MITF: variants seen among roughly 807,000 people sequenced by gnomAD.
The protein encoded by MITF is microphthalmia-associated transcription factor.
In MITF, 17 loss-of-function variants were observed where a neutral mutation model predicts 60.5. The observed-to-expected ratio is 0.28, with a 90% confidence interval of 0.19 to 0.42. The LOEUF (loss-of-function observed/expected upper bound fraction) is 0.42. MITF is among the 10% of genes least tolerant of loss of function. The pLI is 1.00. For synonymous variants in MITF, 260 were observed against 248.5 expected (o/e 1.05, Z -0.43); for missense variants, 622 against 683.5 (o/e 0.91, Z 1.00).
chr3:69,846,314 C>T (rs935711713), intron 1 of MITF, among the ~76,000 whole-genome samples: 1 of 152,102 alleles, frequency 6.6e-6, no homozygotes, highest in African/African-American at 2.4e-5. Flanking sequence ...ACTTTTATTT[C>T]AAATACTGCC....
chr3:69,950,544 A>G (rs966119151), intron 6 of MITF, among the ~76,000 whole-genome samples: 3 of 148,602 alleles, frequency 2.0e-5, no homozygotes, highest in Non-Finnish European at 4.4e-5. Flanking sequence ...GTATGCATAT[A>G]GATATGCATA....
chr3:69,846,633 A>G (rs542666480), intron 1 of MITF, among the ~76,000 whole-genome samples: 7 of 152,206 alleles, frequency 4.6e-5, no homozygotes, highest in African/African-American at 1.7e-4. Context: ...TGGTCTCAAC[A>G]TGGTGAAACC....
chr3:69,950,051 AT>A (rs1258727338), intron 6 of MITF, among the ~76,000 whole-genome samples: 14 of 152,118 alleles, frequency 9.2e-5, no homozygotes, highest in Admixed American at 5.2e-4. Flanking sequence ...AGAGTAATTA[AT>A]AAGTAAAAAC....
At chr3:69,759,041 C>T (rs2062172495) in intron 1 of MITF, among the ~76,000 whole-genome samples, 1 of 152,138 alleles carries the variant, frequency 6.6e-6, no homozygotes, top group Non-Finnish European at 1.5e-5. Flanking sequence ...AAAATACAGT[C>T]AATTCTCATT....
At chr3:69,857,942 G>A (rs1359145435) in intron 1 of MITF, among the ~76,000 whole-genome samples, 1 of 152,036 alleles carries the variant, frequency 6.6e-6, no homozygotes, top group Non-Finnish European at 1.5e-5. Flanking sequence ...TTAAATTATG[G>A]TTTATATTAT....
At chr3:69,885,891 A>T (rs17006580) in intron 2 of MITF, among the ~76,000 whole-genome samples, 10 of 152,114 alleles carry the variant, frequency 6.6e-5, no homozygotes, top group African/African-American at 2.2e-4. Flanking sequence ...GAGAACAATC[A>T]TGATCAGCAA....
chr3:69,789,113 G>GA (rs1157856036), intron 1 of MITF, among the ~76,000 whole-genome samples: 1 of 150,590 alleles, frequency 6.6e-6, no homozygotes, highest in African/African-American at 2.4e-5. Context: ...CTAGGTGCTA[G>GA]AAAAAAAAAG....
chr3:69,959,058 T>TAC (rs1489594759), intron 8 of MITF, among the ~76,000 whole-genome samples: 1 of 151,716 alleles, frequency 6.6e-6, no homozygotes, highest in Admixed American at 6.6e-5. Context: ...ACACGTTGGG[T>TAC]ACAGTGTACA....
At chr3:69,796,909 G>T (rs573841963) in intron 1 of MITF, among the ~76,000 whole-genome samples, 38 of 152,240 alleles carry the variant, frequency 2.5e-4, no homozygotes, top group Non-Finnish European at 4.3e-4. Flanking sequence ...ATGTGTAGGG[G>T]TTAAGTGGTT....
In MITF at chr3:69,964,832, T is replaced by G. The variant is rs1339962329; in HGVS notation, c.1180-15T>G. 13 of 1,613,620 alleles carry G rather than the reference T, an allele frequency of 8.1e-6. No individual in the cohort carries two copies. The highest frequency in any genetic ancestry group is 1.3e-5 in the African/African-American group (1 of 74,906). ...CTCTGCCTATTTCAGTGTTTTATCT[T>G]TACTCTTATTATAGGAACTTGAAAT... is the stretch of plus-strand genomic sequence containing the variant. On this transcript the variant is annotated splice_polypyrimidine_tract_variant and intron_variant, in intron 9 of 9. Coordinates refer to ENST00000352241, the MANE Select transcript of MITF (RefSeq NM_001354604.2).
rs565978461 is a variant in MITF at position 69,815,585 on chromosome 3, C to A, written c.105-63549C>A. 2.2e-4 allele frequency among the ~76,000 whole-genome samples: 34 copies of A among 152,268 alleles called. 1 individual carries two copies. The East Asian group carries it at 6.4e-3, about 29-fold the overall frequency. Reference sequence around the variant, plus strand: ...TACAGTGCACAATAAATGTAATATACAAAATATGTGTTAATTGACTATTTA... The same window carrying A: ...TACAGTGCACAATAAATGTAATATAAAAAATATGTGTTAATTGACTATTTA... On this transcript the variant is annotated intron_variant, in intron 1 of 9. Transcript: ENST00000352241.
intron 1 of MITF, among the ~76,000 whole-genome samples, chr3:69,808,847 A>T (rs2063055220): frequency 6.6e-6 from 1 of 152,136 alleles, no homozygotes; most frequent in Non-Finnish European, 1.5e-5. Flanking sequence ...GAATCACATG[A>T]TCAGATGTGC....
At chr3:69,811,940 C>T (rs1320141859) in intron 1 of MITF, among the ~76,000 whole-genome samples, 1 of 152,146 alleles carries the variant, frequency 6.6e-6, no homozygotes, top group Non-Finnish European at 1.5e-5. Context: ...CAGTTCCAGT[C>T]CTCAGGGCCC....
chr3:69,854,970 C>T (rs964752206), intron 1 of MITF, among the ~76,000 whole-genome samples: 1 of 152,174 alleles, frequency 6.6e-6, no homozygotes, highest in African/African-American at 2.4e-5. Context: ...TTCCCTGCTG[C>T]CCCATCCCAG....
At chr3:69,842,235 T>C (rs1343591843) in intron 1 of MITF, among the ~76,000 whole-genome samples, 1 of 151,982 alleles carries the variant, frequency 6.6e-6, no homozygotes, top group Non-Finnish European at 1.5e-5. Flanking sequence ...TCCAAAATCA[T>C]GCAGTAGACA....
chr3:69,889,040 T>G (rs1477489846), intron 2 of MITF, among the ~76,000 whole-genome samples: 3 of 146,530 alleles, frequency 2.0e-5, no homozygotes, highest in Admixed American at 6.8e-5. Flanking sequence ...TTTTTTTTTT[T>G]TTTTTTTTTT....
At chr3:69,741,816 C>T (rs762447146) in intron 1 of MITF, among the ~76,000 whole-genome samples, 6 of 152,180 alleles carry the variant, frequency 3.9e-5, no homozygotes, top group Non-Finnish European at 4.4e-5. Flanking sequence ...AAGGTATTGT[C>T]GTCGACATCT....
intron 1 of MITF, among the ~76,000 whole-genome samples, chr3:69,874,712 G>A (rs1392534512): frequency 6.6e-6 from 1 of 152,168 alleles, no homozygotes; most frequent in Non-Finnish European, 1.5e-5. Flanking sequence ...GTGATATTGA[G>A]ACCAAAGACC....
rs367606002 is a variant in MITF, at chr3:69,740,528, G to A, written c.104+827G>A. Among the ~76,000 whole-genome samples the A allele has an allele frequency of 3.3e-4, 50 of 152,240 alleles. 1 individual carries two copies. The East Asian group carries it at 3.5e-3, about 11-fold the overall frequency. On this transcript the variant is annotated intron_variant, in intron 1 of 9. Transcript: ENST00000352241. ...CTGCTCTGATGCCCCATCCCCTCTAGTGCCCACTTCCCTTGAGCCACCCTT... is the reference window on the plus strand; with the variant it reads ...CTGCTCTGATGCCCCATCCCCTCTAATGCCCACTTCCCTTGAGCCACCCTT...
Sources: allele counts gnomAD v4.1 joint callset (sites outside exome capture counted in the v4.1 genomes callset), GRCh38; gene constraint gnomAD v4.1.1; transcripts MANE v1.5; gene names NCBI Gene and HGNC (gene_info 2026-07-23, HGNC 2026-07-21).